MEIKIN: variants seen among roughly 807,000 people sequenced by gnomAD.
MEIKIN encodes meiosis-specific kinetochore protein.
chr5:131,872,287 G>A (rs1230605329), intron 9 of MEIKIN, among the ~76,000 whole-genome samples: 1 of 152,288 alleles, frequency 6.6e-6, no homozygotes, highest in Admixed American at 6.5e-5. Flanking sequence ...AATAACCAAT[G>A]CAGAGAAGTC....
Position 131,919,775 on chromosome 5 carries a change from G to A in MEIKIN, c.598+2047C>T, listed in dbSNP as rs567741359. Among the ~76,000 whole-genome samples the A allele has an allele frequency of 7.7e-4, 117 of 152,312 alleles. 1 individual carries two copies. The highest frequency in any genetic ancestry group is 3.4e-3 in the Middle Eastern group (1 of 294). ...GACCAGTTATCCATAGGGGTTAAGT[G>A]AGAAAGGGGTAGAAAGAAGAGAAGA... is the stretch of plus-strand genomic sequence containing the variant. On this transcript the variant is annotated intron_variant, in intron 6 of 12. Transcript: ENST00000442687.
intron 6 of MEIKIN, 39 bp from the exon 7 acceptor site, chr5:131,916,964 T>C (rs1751423623): frequency 2.5e-6 from 1 of 395,816 alleles, no homozygotes; most frequent in Non-Finnish European, 4.5e-6. Context: ...AGAAATATAA[T>C]TCGAAGGCAA....
At chr5:131,925,798 A>C (rs1751578515) in intron 5 of MEIKIN, among the ~76,000 whole-genome samples, 1 of 152,030 alleles carries the variant, frequency 6.6e-6, no homozygotes, top group Non-Finnish European at 1.5e-5. Flanking sequence ...CCTCCTGAGT[A>C]GCTGGGACTA....
intron 11 of MEIKIN, among the ~76,000 whole-genome samples, chr5:131,851,058 A>C (rs983999496): frequency 9.2e-5 from 14 of 152,256 alleles, no homozygotes; most frequent in African/African-American, 3.4e-4. Flanking sequence ...AAAAATAGAC[A>C]AACTGTACTT....
intron 6 of MEIKIN, among the ~76,000 whole-genome samples, 182 bp downstream of exon 6, chr5:131,921,640 T>C (rs180727342): frequency 2.1e-4 from 32 of 152,222 alleles, no homozygotes; most frequent in Non-Finnish European, 4.1e-4. Context: ...CTGGGCAACA[T>C]AGTGAGACTC....
At chr5:131,886,189 T>C (rs538843598) in intron 8 of MEIKIN, among the ~76,000 whole-genome samples, 1 of 151,886 alleles carries the variant, frequency 6.6e-6, no homozygotes, top group Non-Finnish European at 1.5e-5. Flanking sequence ...AAACGGCAAA[T>C]CTTAAGGGTT....
At chr5:131,832,318 TA>T (rs1251339648) in intron 11 of MEIKIN, among the ~76,000 whole-genome samples, 2 of 152,188 alleles carry the variant, frequency 1.3e-5, no homozygotes, top group Non-Finnish European at 2.9e-5. Context: ...TCCAACATGA[TA>T]TTTTTTTTGA....
chr5:131,933,987 C>T (rs577673557), intron 4 of MEIKIN, among the ~76,000 whole-genome samples: 1 of 152,030 alleles, frequency 6.6e-6, no homozygotes, highest in South Asian at 2.1e-4. Flanking sequence ...ACTCTATAGC[C>T]CAGGGTGGAG....
In MEIKIN at chr5:131,895,441, G is replaced by T. The variant is rs540670557; in HGVS notation, c.703+16374C>A. Among the ~76,000 whole-genome samples, 1,315 of 152,112 alleles carry T rather than the reference G, an allele frequency of 8.6e-3. 6 individuals carry two copies. Among genetic ancestry groups the T allele is most frequent in the Middle Eastern group, 0.02 (6 of 294 alleles). On this transcript the variant is annotated intron_variant, in intron 8 of 12. Transcript: ENST00000442687. ...GAGGATTCCCTCTTTTTCTATTGAT[G>T]GGAATAGTTTCAGAAGGAATGGTAC...
intron 6 of MEIKIN, among the ~76,000 whole-genome samples, chr5:131,919,947 AC>A: frequency 6.6e-6 from 1 of 152,338 alleles, no homozygotes; most frequent in East Asian, 1.9e-4. Flanking sequence ...TGAATCAATA[AC>A]AAATGAGTCT....
chr5:131,914,439 G>A (rs1474470999), intron 7 of MEIKIN, among the ~76,000 whole-genome samples: 1 of 145,896 alleles, frequency 6.9e-6, no homozygotes, highest in Admixed American at 6.9e-5. Context: ...AAGAAGGATG[G>A]ACAGACAGAT....
At chr5:131,929,705 A>G (rs1751649766) in intron 5 of MEIKIN, among the ~76,000 whole-genome samples, 1 of 152,104 alleles carries the variant, frequency 6.6e-6, no homozygotes, top group Non-Finnish European at 1.5e-5. Flanking sequence ...ACCTCAAGTA[A>G]GCCCCAGTGT....
intron 11 of MEIKIN, among the ~76,000 whole-genome samples, chr5:131,847,999 T>C (rs191726565): frequency 1.8e-4 from 27 of 152,066 alleles, no homozygotes; most frequent in African/African-American, 6.3e-4. Flanking sequence ...AACCACAACA[T>C]AACCAAACTT....
intron 10 of MEIKIN, among the ~76,000 whole-genome samples, chr5:131,852,559 G>A (rs1561732953): frequency 6.6e-6 from 1 of 152,080 alleles, no homozygotes; most frequent in African/African-American, 2.4e-5. Flanking sequence ...AAGAAACCAG[G>A]CACAAAACGC....
chr5:131,887,425 CACAATGGTTGAACTA>C (rs1332605436), intron 8 of MEIKIN, among the ~76,000 whole-genome samples: 2 of 152,144 alleles, frequency 1.3e-5, no homozygotes, highest in East Asian at 3.9e-4. Flanking sequence ...CACTGTCTTC[CACAATGGTTGAACTA>C]ATTTACACTC....
At chr5:131,944,595 C>T (rs184816516) in intron 3 of MEIKIN, 70 bp downstream of exon 3, 76 of 398,620 alleles carry the variant, frequency 1.9e-4, no homozygotes, top group African/African-American at 1.3e-3. Flanking sequence ...TTCTTTCATC[C>T]GGAGGTACAT....
chr5:131,852,171 T>C (rs968730070), intron 10 of MEIKIN, among the ~76,000 whole-genome samples: 10 of 152,168 alleles, frequency 6.6e-5, no homozygotes, highest in Admixed American at 4.6e-4. Flanking sequence ...ATAATCCCCA[T>C]AGGTCAAGGG....
intron 8 of MEIKIN, among the ~76,000 whole-genome samples, chr5:131,910,460 G>T (rs1751315584): frequency 6.6e-6 from 1 of 151,984 alleles, no homozygotes; most frequent in African/African-American, 2.4e-5. Context: ...TGTAGGGAAG[G>T]TGGGGATGGT....
chr5:131,832,529 C>T (rs1749732668), intron 11 of MEIKIN, among the ~76,000 whole-genome samples: 1 of 152,136 alleles, frequency 6.6e-6, no homozygotes. Context: ...AGGACAGTGG[C>T]CCTTTTCTCA....
Sources: allele counts gnomAD v4.1 joint callset (sites outside exome capture counted in the v4.1 genomes callset), GRCh38; gene constraint gnomAD v4.1.1; transcripts MANE v1.5; gene names NCBI Gene and HGNC (gene_info 2026-07-23, HGNC 2026-07-21).